The following ZFR2 variants were observed in gnomAD, a reference collection of about 807,000 sequenced individuals.
The protein encoded by ZFR2 is zinc finger RNA-binding protein 2.
In ZFR2, 104 loss-of-function variants were observed where a neutral mutation model predicts 105.7. The ratio of observed to expected loss-of-function variants is 0.98; its 90% CI spans 0.84 to 1.16. ZFR2 has a LOEUF of 1.16. Ranked by LOEUF, ZFR2 falls within the 50% of genes most tolerant of loss-of-function variation. The pLI, the probability that ZFR2 is intolerant of heterozygous loss-of-function variation, is 0.00. For synonymous variants in ZFR2, 634 were observed against 597.7 expected (o/e 1.06, Z -0.89); for missense variants, 1,425 against 1,355.5 (o/e 1.05, Z -0.80).
intron 14 of ZFR2, among the ~76,000 whole-genome samples, chr19:3,812,970 AC>A (rs2037782898): frequency 6.6e-6 from 1 of 152,082 alleles, no homozygotes; most frequent in Non-Finnish European, 1.5e-5. Context: ...AGTCCCAGCT[AC>A]TCGGAGGCTG....
chr19:3,842,342 C>A (rs2038140894), intron 1 of ZFR2, among the ~76,000 whole-genome samples: 1 of 152,058 alleles, frequency 6.6e-6, no homozygotes. Flanking sequence ...CAACGAGAGA[C>A]CCTGAGCATT....
intron 1 of ZFR2, among the ~76,000 whole-genome samples, chr19:3,865,039 G>A (rs967487849): frequency 3.9e-5 from 6 of 152,000 alleles, no homozygotes; most frequent in African/African-American, 7.3e-5. Context: ...GTGAGCCACC[G>A]TGCCCGGCCT....
At chr19:3,815,627 C>T (rs1425904969) in intron 13 of ZFR2, among the ~76,000 whole-genome samples, 6 of 152,108 alleles carry the variant, frequency 3.9e-5, no homozygotes, top group Admixed American at 2.6e-4. Context: ...CTCTGTTGCC[C>T]GGGCTGGAGT....
chr19:3,820,722 G>A (rs2145146472), intron 10 of ZFR2, among the ~76,000 whole-genome samples: 1 of 151,658 alleles, frequency 6.6e-6, no homozygotes. Flanking sequence ...AAGGGTAAGG[G>A]GACACAGGGT....
rs2037901878 is a variant in ZFR2 at position 3,822,106 on chromosome 19, C to G, written c.1466G>C (p.Gly489Ala). The change falls in exon 9 of 19, where the codon GGG becomes GCG. Residue 489 changes from glycine to alanine, a missense_variant. Gly to Ala is a moderately conservative substitution (Grantham distance 60). Coordinates refer to ENST00000262961, the MANE Select transcript of ZFR2 (RefSeq NM_015174.2). ...CCGGTACTGCAGCCGGTGCCGCCGC[C>G]CCCTCACGTGCAGGTCCTTCGCGTT... ...DLNAKDLHVR[G>A]RRHRLQYRKK... is the part of the protein sequence containing the mutation. 1 of 1,608,494 alleles carries G rather than the reference C, an allele frequency of 6.2e-7. No homozygotes were observed. The highest frequency in any genetic ancestry group is 1.7e-5 in the Admixed American group (1 of 59,442).
In ZFR2 at chr19:3,841,873, AC is replaced by A. The variant is rs542073864; in HGVS notation, c.54-6891del. ...ACAATCTTGGCTCACTGCAACCTCCACCTCCCAGTTTCAAGCAATTCTCGTG... is the reference window on the plus strand; with the variant it reads ...ACAATCTTGGCTCACTGCAACCTCCACTCCCAGTTTCAAGCAATTCTCGTG... On this transcript the variant is annotated intron_variant, in intron 1 of 18. Transcript: ENST00000262961. 1.5e-3 allele frequency among the ~76,000 whole-genome samples: 221 copies of A among 151,730 alleles called. 2 individuals carry two copies. Among genetic ancestry groups the A allele is most frequent in the African/African-American group, 5.1e-3 (213 of 41,416 alleles).
chr19:3,827,354 C>T (rs1722253096), intron 6 of ZFR2, 117 bp downstream of exon 6: 1 of 1,307,620 alleles, frequency 7.6e-7, no homozygotes, highest in African/African-American at 1.5e-5. Context: ...GCGCGCTCCA[C>T]TTGGGGAGGC....
rs368574940 is a variant in ZFR2, at chr19:3,825,259, C to G, written c.1184G>C (p.Arg395Thr). The part of the protein sequence containing the change: ...CASSRPALAK[R>T]PVASKALCEG... ...GCATAAGGCCTTCGAGGCCACGGGT[C>G]TCTTGGCCAGCGCTGGCCTGCTCGA... Residue 395 changes from arginine to threonine, a missense_variant, in exon 7 of 19, where the codon AGA becomes ACA. Physicochemically the swap from Arg to Thr is moderately conservative, Grantham distance 71. Transcript: ENST00000262961. The G allele has an allele frequency of 1.3e-5, 21 of 1,556,198 alleles. No individual in the cohort carries two copies. The highest frequency in any genetic ancestry group is 1.3e-4 in the African/African-American group (9 of 71,710).
rs964546399 is a variant in ZFR2, at chr19:3,858,669, T to C, written c.53+10296A>G. 1.3e-5 allele frequency among the ~76,000 whole-genome samples: 2 copies of C among 151,926 alleles called. No homozygotes were observed. The highest frequency in any genetic ancestry group is 2.9e-5 in the Non-Finnish European group (2 of 67,950). On this transcript the variant is annotated intron_variant, in intron 1 of 18. Coordinates refer to ENST00000262961, the MANE Select transcript of ZFR2 (RefSeq NM_015174.2). The surrounding 1 kb of genome is among the most constrained non-coding windows in gnomAD (Gnocchi z 4.3). ...CCAGTCTCTACTAAAAATACAAAAA[T>C]CAACCGGGCATGGTGGTGCATGCCT...
intron 9 of ZFR2, among the ~76,000 whole-genome samples, 181 bp downstream of exon 9, chr19:3,821,900 C>T (rs898002115): frequency 2.0e-5 from 3 of 152,142 alleles, no homozygotes; most frequent in African/African-American, 7.2e-5. Context: ...TGAGACACCG[C>T]GCCCGGCCGA....
intron 1 of ZFR2, among the ~76,000 whole-genome samples, chr19:3,861,089 C>T (rs763701555): frequency 9.2e-5 from 14 of 152,160 alleles, no homozygotes; most frequent in Non-Finnish European, 1.0e-4. Flanking sequence ...TCACCTCCTG[C>T]GGCAGGACTG....
chr19:3,811,616 G>A (rs768974374), intron 14 of ZFR2, among the ~76,000 whole-genome samples: 155 of 150,992 alleles, frequency 1.0e-3, no homozygotes, highest in Admixed American at 2.0e-3. Context: ...CACCACATCT[G>A]GCTAATTTTT....
chr19:3,844,385 TG>T (rs775088291), intron 1 of ZFR2, among the ~76,000 whole-genome samples: 25 of 152,188 alleles, frequency 1.6e-4, no homozygotes, highest in Middle Eastern at 3.4e-3. Context: ...TTTTTTTTTT[TG>T]AGACAGAATC....
At chr19:3,855,985 A>G (rs755374307) in intron 1 of ZFR2, among the ~76,000 whole-genome samples, 20 of 152,170 alleles carry the variant, frequency 1.3e-4, no homozygotes, top group Non-Finnish European at 2.2e-4. Context: ...GACATGGGCT[A>G]CGTTGTGATG....
intron 3 of ZFR2, 74 bp downstream of exon 3, chr19:3,833,590 T>C (rs972111293): frequency 3.2e-5 from 37 of 1,145,204 alleles, no homozygotes; most frequent in Admixed American, 2.6e-5. Flanking sequence ...AAAAAAAAAG[T>C]AAGTTTCCCA....
chr19:3,830,129 G>A (rs1364177212), intron 5 of ZFR2, among the ~76,000 whole-genome samples: 1 of 141,424 alleles, frequency 7.1e-6, no homozygotes, highest in South Asian at 2.2e-4. Flanking sequence ...GTGAGACCCT[G>A]TATCTACAAA....
rs2037754196 is a variant in ZFR2, at chr19:3,810,768, C to T, written c.2415G>A (p.Trp805Ter). The change falls in exon 16 of 19, where the codon TGG (tryptophan) becomes TGA (stop). Residue 805 changes from tryptophan to a stop codon, truncating the protein, a stop_gained. Coordinates refer to ENST00000262961, the MANE Select transcript of ZFR2 (RefSeq NM_015174.2). LOFTEE classifies it high-confidence loss of function. ...LRDLCRRVPT[W>*]GALPAWAMEL... Reference sequence around the variant, plus strand: ...GCCTTACCCAGGCTGGCAGGGCCCCCCAGGTGGGCACACGCCGGCAGAGGT... The same window carrying T: ...GCCTTACCCAGGCTGGCAGGGCCCCTCAGGTGGGCACACGCCGGCAGAGGT... 1.3e-6 allele frequency: 2 copies of T among 1,549,684 alleles called. No individual in the cohort carries two copies. Among genetic ancestry groups the T allele is most frequent in the Non-Finnish European group, 1.7e-6 (2 of 1,146,558 alleles).
At position 3,855,499 on chromosome 19, in the gene ZFR2, C is replaced by T. The variant is rs553080535; in HGVS notation, c.53+13466G>A. ...GGTGCTAGTGGGGACCAGCTGCTGT[C>T]ATGGGCGCTGTCACAGCAGCGGGGA... is the stretch of plus-strand genomic sequence containing the variant. On this transcript the variant is annotated intron_variant, in intron 1 of 18. Transcript: ENST00000262961. 35 of 1,201,178 alleles carry T rather than the reference C, an allele frequency of 2.9e-5. No individual in the cohort carries two copies. The South Asian group carries it at 1.4e-3, about 46-fold the overall frequency. The allele number at this position is 1,201,178 out of a possible 1,614,324, so 74.4% of individuals were successfully genotyped here.
chr19:3,808,128 C>T (rs534903816), intron 17 of ZFR2, among the ~76,000 whole-genome samples: 19 of 131,162 alleles, frequency 1.4e-4, no homozygotes, highest in African/African-American at 5.0e-4. Context: ...TATGTGTGCC[C>T]GTGCGTATGT....
Sources: allele counts gnomAD v4.1 joint callset (sites outside exome capture counted in the v4.1 genomes callset), GRCh38; gene constraint gnomAD v4.1.1; non-coding constraint Gnocchi (gnomAD v3.1); transcripts MANE v1.5; gene names NCBI Gene and HGNC (gene_info 2026-07-23, HGNC 2026-07-21).